KLHL29: variants seen among roughly 807,000 people sequenced by gnomAD.
The protein encoded by KLHL29 is kelch-like protein 29.
A neutral mutation model predicts 80.4 loss-of-function variants in KLHL29; 21 were observed. The ratio of observed to expected loss-of-function variants is 0.26; its 90% confidence interval spans 0.19 to 0.38. KLHL29 has a LOEUF of 0.38. KLHL29 is among the 10% of genes least tolerant of loss of function. The pLI, the probability that KLHL29 is intolerant of heterozygous loss-of-function variation, is 1.00. For synonymous variants in KLHL29, 511 were observed against 526.8 expected (o/e 0.97, Z 0.41); for missense variants, 867 against 1,223.9 (o/e 0.71, Z 4.35).
intron 6 of KLHL29, among the ~76,000 whole-genome samples, chr2:23,687,990 G>C (rs1671351082): frequency 6.6e-6 from 1 of 152,118 alleles, no homozygotes; most frequent in African/African-American, 2.4e-5. Context: ...TGCCCCCCAT[G>C]GCCATGCAGA....
chr2:23,624,524 T>A (rs139136031), intron 3 of KLHL29, among the ~76,000 whole-genome samples: 5 of 152,312 alleles, frequency 3.3e-5, no homozygotes, highest in African/African-American at 9.6e-5. Context: ...GGTTCAGCTC[T>A]GTTACTTGAC....
At chr2:23,391,719 A>G (rs1243528387) in intron 1 of KLHL29, among the ~76,000 whole-genome samples, 1 of 152,222 alleles carries the variant, frequency 6.6e-6, no homozygotes, top group Non-Finnish European at 1.5e-5. Flanking sequence ...GATTATAGGC[A>G]TTAGCCACCG....
chr2:23,395,351 G>A (rs1227100897), intron 1 of KLHL29, among the ~76,000 whole-genome samples: 1 of 152,190 alleles, frequency 6.6e-6, no homozygotes, highest in African/African-American at 2.4e-5. Flanking sequence ...ACAGTAGAGA[G>A]GGGTAGAAAA....
In KLHL29 at chr2:23,637,337, A is replaced by G. The variant is rs149206193; in HGVS notation, c.286-1802A>G. 6.4e-3 allele frequency among the ~76,000 whole-genome samples: 981 copies of G among 152,240 alleles called. 15 individuals are homozygous for G. Among genetic ancestry groups the G allele is most frequent in the African/African-American group, 0.022 (931 of 41,562 alleles). On this transcript the variant is annotated intron_variant, in intron 3 of 13. Transcript: ENST00000486442. ...AGCTGTCTATTTGGAGAATGCTGGA[A>G]AAACCATGCTATTGTTCCCTAAGAC...
At chr2:23,433,838 G>A (rs1663255337) in intron 1 of KLHL29, among the ~76,000 whole-genome samples, 3 of 152,144 alleles carry the variant, frequency 2.0e-5, no homozygotes, top group Admixed American at 2.0e-4. Context: ...AGACTTGCCT[G>A]AGCTCAAGAG....
chr2:23,597,604 T>C lies in KLHL29; in HGVS notation c.285+35123T>C, dbSNP rs528052584. On this transcript the variant is annotated intron_variant, in intron 3 of 13. Coordinates refer to ENST00000486442, the MANE Select transcript of KLHL29 (RefSeq NM_052920.2). ...CATGCTTAGCTAACTTTTGTATCTT[T>C]AGTAGAGACGGGGTTTCACCGTGTC... Among the ~76,000 whole-genome samples the C allele has an allele frequency of 2.0e-4, 31 of 151,456 alleles. No individual in the cohort carries two copies. In the South Asian group the frequency reaches 2.5e-3, roughly 12 times the overall value.
chr2:23,515,543 G>A (rs1404595185), intron 2 of KLHL29, among the ~76,000 whole-genome samples: 3 of 152,146 alleles, frequency 2.0e-5, no homozygotes. Context: ...GTGTTTTTCT[G>A]TGTAGTAACT....
chr2:23,452,973 T>G (rs1663931910), intron 1 of KLHL29, among the ~76,000 whole-genome samples: 1 of 152,062 alleles, frequency 6.6e-6, no homozygotes. Context: ...ACTTCCTTTA[T>G]GCTGGGACTG....
intron 3 of KLHL29, among the ~76,000 whole-genome samples, chr2:23,565,065 T>C (rs1667557007): frequency 6.6e-6 from 1 of 152,198 alleles, no homozygotes; most frequent in Non-Finnish European, 1.5e-5. Context: ...GAGGACTGTG[T>C]GGGTTAAAAC....
Position 23,696,723 on chromosome 2 carries a change from T to C in KLHL29, c.2105+210T>C, listed in dbSNP as rs1671983260. 1 of 498,778 alleles carries C rather than the reference T, an allele frequency of 2.0e-6. No homozygotes were observed. Among genetic ancestry groups the C allele is most frequent in the Non-Finnish European group, 3.5e-6 (1 of 285,108 alleles). 30.9% of individuals were successfully genotyped at this position (498,778 alleles called of 1,614,324 possible). On this transcript the variant is annotated intron_variant, in intron 11 of 13. Coordinates refer to ENST00000486442, the MANE Select transcript of KLHL29 (RefSeq NM_052920.2). This position sits in a 1 kb window ranked among gnomAD's most constrained non-coding sequence, Gnocchi z 5.5. ...AGATGGGATGACATCTGTGTCACCT[T>C]TGCAGTCGCTGAGATGGGAGATGGG...
intron 1 of KLHL29, among the ~76,000 whole-genome samples, chr2:23,401,431 A>G (rs1558324525): frequency 6.6e-6 from 1 of 152,226 alleles, no homozygotes; most frequent in Non-Finnish European, 1.5e-5. Flanking sequence ...CAGCTTGGAC[A>G]TGCACCTGTG....
intron 2 of KLHL29, among the ~76,000 whole-genome samples, chr2:23,521,451 C>T (rs1375850461): frequency 6.6e-6 from 1 of 152,222 alleles, no homozygotes; most frequent in Non-Finnish European, 1.5e-5. Context: ...GGGCCTTCTC[C>T]CTAGTACAGT....
intron 2 of KLHL29, among the ~76,000 whole-genome samples, chr2:23,514,677 T>A (rs1017268671): frequency 2.0e-5 from 3 of 152,246 alleles, no homozygotes; most frequent in African/African-American, 7.2e-5. Flanking sequence ...TTGCTTGATT[T>A]CTTTGAGGCA....
At chr2:23,561,238 C>T (rs1400960491) in intron 2 of KLHL29, among the ~76,000 whole-genome samples, 2 of 152,136 alleles carry the variant, frequency 1.3e-5, no homozygotes, top group South Asian at 2.1e-4. Flanking sequence ...CGTTCTTGAC[C>T]GAGAGTAACA....
chr2:23,652,656 C>A (rs945115755), intron 5 of KLHL29, among the ~76,000 whole-genome samples: 4 of 152,214 alleles, frequency 2.6e-5, no homozygotes, highest in African/African-American at 9.7e-5. Context: ...CTGTCACCTC[C>A]TTGGTCTTGA....
chr2:23,629,933 C>CAG (rs1669426326), intron 3 of KLHL29, among the ~76,000 whole-genome samples: 1 of 152,164 alleles, frequency 6.6e-6, no homozygotes, highest in Non-Finnish European at 1.5e-5. Context: ...CACCAGCGAA[C>CAG]AGCACCGGGA....
At chr2:23,506,649 G>C (rs552682164) in intron 2 of KLHL29, among the ~76,000 whole-genome samples, 1 of 152,316 alleles carries the variant, frequency 6.6e-6, no homozygotes, top group Non-Finnish European at 1.5e-5. Context: ...TGCAGCCACA[G>C]CCACGGGGAG....
At chr2:23,389,579 A>G (rs571451143) in intron 1 of KLHL29, among the ~76,000 whole-genome samples, 1 of 152,212 alleles carries the variant, frequency 6.6e-6, no homozygotes, top group African/African-American at 2.4e-5. Flanking sequence ...AGGACTGGAG[A>G]ACAAGAAATG....
At chr2:23,699,914 C>CTACT (rs1395750597) in intron 11 of KLHL29, among the ~76,000 whole-genome samples, 1 of 152,230 alleles carries the variant, frequency 6.6e-6, no homozygotes, top group Non-Finnish European at 1.5e-5. Context: ...GACTCCCCCA[C>CTACT]TACTTTGGTC....
Sources: allele counts gnomAD v4.1 joint callset (sites outside exome capture counted in the v4.1 genomes callset), GRCh38; gene constraint gnomAD v4.1.1; non-coding constraint Gnocchi (gnomAD v3.1); transcripts MANE v1.5; gene names NCBI Gene and HGNC (gene_info 2026-07-23, HGNC 2026-07-21).